FMNL3: variants seen among roughly 807,000 people sequenced by gnomAD.
The protein encoded by FMNL3 is formin like 3, also known as formin-like protein 3.
A neutral mutation model predicts 119.6 loss-of-function variants in FMNL3; 57 were observed. That is an observed-to-expected ratio of 0.48 (90% CI 0.39 to 0.59). FMNL3 has a LOEUF of 0.59. FMNL3 is among the 20% of genes least tolerant of loss of function. FMNL3 has a pLI of 0.00. For missense variants in FMNL3, 1,053 were observed against 1,323.5 expected (o/e 0.80, Z 3.17); for synonymous variants, 491 against 507.3 (o/e 0.97, Z 0.43).
In FMNL3 at chr12:49,642,133, T is replaced by G; in HGVS notation, c.*3682A>C. On this transcript the variant is annotated 3_prime_UTR_variant, in exon 26 of 26. Coordinates refer to ENST00000335154, the MANE Select transcript of FMNL3 (RefSeq NM_175736.5). The surrounding 1 kb of genome is among the most constrained non-coding windows in gnomAD (Gnocchi z 5.8). ...ATATTCCCAATTCAGGGGATGGTGG[T>G]AGAAGCCCAGACCCTAACTTTCCAC... 6.2e-7 allele frequency: 1 copy of G among 1,604,860 alleles called. No individual in the cohort carries two copies. The highest frequency in any genetic ancestry group is 8.5e-7 in the Non-Finnish European group (1 of 1,173,782).
chr12:49,666,817 A>C (rs1488116115), intron 2 of FMNL3, among the ~76,000 whole-genome samples: 1 of 152,036 alleles, frequency 6.6e-6, no homozygotes, highest in Admixed American at 6.6e-5. Flanking sequence ...TTAAAAAAAG[A>C]TATGATTGGG....
chr12:49,644,084 G>A lies in FMNL3; in HGVS notation c.*1731C>T. 6.2e-7 allele frequency: 1 copy of A among 1,614,218 alleles called. No individual in the cohort carries two copies. Among genetic ancestry groups the A allele is most frequent in the Non-Finnish European group, 8.5e-7 (1 of 1,180,040 alleles). ...TTAGTGCAGGCTAAGGGTGAACTGTGCCTTTGCTCCAACAGACAGGCTGGG... is the reference window on the plus strand; with the variant it reads ...TTAGTGCAGGCTAAGGGTGAACTGTACCTTTGCTCCAACAGACAGGCTGGG... On this transcript the variant is annotated 3_prime_UTR_variant, in exon 26 of 26. Coordinates refer to ENST00000335154, the MANE Select transcript of FMNL3 (RefSeq NM_175736.5).
At chr12:49,655,972 C>T (rs1408568159) in intron 9 of FMNL3, among the ~76,000 whole-genome samples, 2 of 152,148 alleles carry the variant, frequency 1.3e-5, no homozygotes, top group African/African-American at 4.8e-5. Context: ...TGCTTACCTT[C>T]TCCTCCCATT....
intron 4 of FMNL3, among the ~76,000 whole-genome samples, chr12:49,663,077 G>A (rs942861348): frequency 3.3e-5 from 5 of 152,330 alleles, no homozygotes; most frequent in African/African-American, 1.2e-4. Flanking sequence ...ACCAGGCCCA[G>A]CTGAGATTAG....
In FMNL3 at chr12:49,638,806, A is replaced by T. The variant is rs968001449; in HGVS notation, c.*7009T>A. The T allele has an allele frequency of 1.3e-5, 2 of 152,208 alleles. No individual in the cohort carries two copies. Among genetic ancestry groups the T allele is most frequent in the African/African-American group, 4.8e-5 (2 of 41,444 alleles). 9.4% of individuals were successfully genotyped at this position (152,208 alleles called of 1,614,324 possible). On this transcript the variant is annotated 3_prime_UTR_variant, in exon 26 of 26. Transcript: ENST00000335154. ...CTGTTTCCTCATCTAAAAAATGGTG[A>T]GTGTTCCACCAGAGTACACCTAATT...
At chr12:49,705,284 A>G (rs7137976) in intron 1 of FMNL3, among the ~76,000 whole-genome samples, 32,038 of 152,118 alleles carry the variant, frequency 0.21, 5,578 homozygotes, top group African/African-American at 0.49. Context: ...CCAGTCCCCC[A>G]TTTGACCTGG....
At chr12:49,656,633 GGCTTGCTCCCTTACTAA>G (rs766685571) in intron 8 of FMNL3, 136 bp from the exon 9 acceptor site, 46 of 909,610 alleles carry the variant, frequency 5.1e-5, no homozygotes, top group Non-Finnish European at 7.5e-5. Context: ...GGAGAAAGAG[GGCTTGCTCCCTTACTAA>G]GCTGTGTAGA....
chr12:49,705,435 C>CA (rs1182568033), intron 1 of FMNL3, among the ~76,000 whole-genome samples: 1 of 152,148 alleles, frequency 6.6e-6, no homozygotes, highest in Admixed American at 6.5e-5. Flanking sequence ...TGAGCTCTCA[C>CA]AAAAAATGGC....
At chr12:49,675,144 C>T (rs2138908853) in intron 1 of FMNL3, among the ~76,000 whole-genome samples, 1 of 152,276 alleles carries the variant, frequency 6.6e-6, no homozygotes, top group Non-Finnish European at 1.5e-5. Flanking sequence ...TGCAGGTAAC[C>T]CTGAGGTCCC....
chr12:49,667,399 C>T (rs998634256), intron 2 of FMNL3, among the ~76,000 whole-genome samples: 4 of 152,208 alleles, frequency 2.6e-5, no homozygotes, highest in African/African-American at 4.8e-5. Context: ...TAACCAACTC[C>T]TCTTAATGCA....
rs1943054008 is a variant in FMNL3, at chr12:49,644,282, G to C, written c.*1533C>G. ...CTGCCTCAGACTTCTTCCTTAGTCT[G>C]GTCTGTGTCCACTTTTTCTAAAGTA... On this transcript the variant is annotated 3_prime_UTR_variant, in exon 26 of 26. Coordinates refer to ENST00000335154, the MANE Select transcript of FMNL3 (RefSeq NM_175736.5). 1 of 1,436,724 alleles carries C rather than the reference G, an allele frequency of 7.0e-7. No homozygotes were observed. The highest frequency in any genetic ancestry group is 1.4e-5 in the African/African-American group (1 of 71,048). The allele number at this position is 1,436,724 out of a possible 1,614,324, so 89.0% of individuals were successfully genotyped here.
Position 49,637,434 on chromosome 12 carries a change from T to C in FMNL3, c.*8381A>G, listed in dbSNP as rs372958137. On this transcript the variant is annotated 3_prime_UTR_variant, in exon 26 of 26. Coordinates refer to ENST00000335154, the MANE Select transcript of FMNL3 (RefSeq NM_175736.5). ...CTCAGTCTGTGGCTCTGCCTCCCTG[T>C]CTCACTCTCCCTATAACTGGCCTCT... The C allele has an allele frequency of 4.1e-6, 6 of 1,471,948 alleles. No homozygotes were observed. The African/African-American group carries it at 8.3e-5, about 20-fold the overall frequency. 91.2% of individuals were successfully genotyped at this position (1,471,948 alleles called of 1,614,324 possible).
chr12:49,687,974 C>T (rs1373691033), intron 1 of FMNL3, among the ~76,000 whole-genome samples: 1 of 152,214 alleles, frequency 6.6e-6, no homozygotes, highest in Non-Finnish European at 1.5e-5. Flanking sequence ...GGAGGAGACA[C>T]ATTTTTCCTC....
rs1324968244 is a variant in FMNL3 at position 49,653,161 on chromosome 12, A to G, written c.1323+65T>C. 4 of 1,460,016 alleles carry G rather than the reference A, an allele frequency of 2.7e-6. No homozygotes were observed. In the African/African-American group the frequency reaches 4.2e-5, roughly 15 times the overall value. The allele number at this position is 1,460,016 out of a possible 1,614,324, so 90.4% of individuals were successfully genotyped here. A position where few individuals can be genotyped will look rare whatever the true frequency, so the allele number is the denominator to read the frequency against. ...AACTTGATATGACTCAGGGAAAAAA[A>G]GCAGAACCCCAAGGCGCTGGAGCCC... On this transcript the variant is annotated intron_variant, in intron 13 of 25. Coordinates refer to ENST00000335154, the MANE Select transcript of FMNL3 (RefSeq NM_175736.5).
chr12:49,649,296 C>G lies in FMNL3; in HGVS notation c.2348G>C (p.Gly783Ala), dbSNP rs767374517. 14 of 1,614,188 alleles carry G rather than the reference C, an allele frequency of 8.7e-6. No individual in the cohort carries two copies. The East Asian group carries it at 8.9e-5, about 10-fold the overall frequency. The change falls in exon 20 of 26, where the codon GGA becomes GCA. Residue 783 changes from glycine to alanine, a missense_variant. Coordinates refer to ENST00000335154, the MANE Select transcript of FMNL3 (RefSeq NM_175736.5). This position sits in a 1 kb window ranked among gnomAD's most constrained non-coding sequence, Gnocchi z 5.6. ...CTGGAGCTTGAAGCCATACACAGCT[C>G]CCCGCTTGCTGCTGTTCATGTAGTT... ...LGNYMNSSKR[G>A]AVYGFKLQSL...
chr12:49,649,834 C>T lies in FMNL3; in HGVS notation c.2092G>A (p.Glu698Lys). ...EAEVKLLRQY[E>K]RERQPLEELA... ...TCCTCCAGGGGCTGCCGCTCCCGCTCATATTGCCGCAGCAGCTTTACCTCA... is the reference window on the plus strand; with the variant it reads ...TCCTCCAGGGGCTGCCGCTCCCGCTTATATTGCCGCAGCAGCTTTACCTCA... Residue 698 changes from glutamate to lysine, a missense_variant, in exon 18 of 26, where the codon GAG becomes AAG. Coordinates refer to ENST00000335154, the MANE Select transcript of FMNL3 (RefSeq NM_175736.5). The surrounding 1 kb of genome is among the most constrained non-coding windows in gnomAD (Gnocchi z 5.6). 4 of 1,614,202 alleles carry T rather than the reference C, an allele frequency of 2.5e-6. No individual in the cohort carries two copies. Among genetic ancestry groups the T allele is most frequent in the Non-Finnish European group, 3.4e-6 (4 of 1,180,044 alleles).
At chr12:49,668,673 G>A (rs898049957) in intron 1 of FMNL3, 119 bp from the exon 2 acceptor site, 62 of 781,304 alleles carry the variant, frequency 7.9e-5, no homozygotes, top group South Asian at 3.2e-4. Context: ...ACACTCCATC[G>A]CTGATAAGGC....
chr12:49,637,429 C>G lies in FMNL3; in HGVS notation c.*8386G>C, dbSNP rs1200433073. ...TCCCCCTCAGTCTGTGGCTCTGCCT[C>G]CCTGTCTCACTCTCCCTATAACTGG... On this transcript the variant is annotated 3_prime_UTR_variant, in exon 26 of 26. Transcript: ENST00000335154. The G allele has an allele frequency of 2.1e-6, 3 of 1,425,040 alleles. No individual in the cohort carries two copies. The Admixed American group carries it at 5.1e-5, about 24-fold the overall frequency. 88.3% of individuals were successfully genotyped at this position (1,425,040 alleles called of 1,614,324 possible). A position where few individuals can be genotyped will look rare whatever the true frequency, so the allele number is the denominator to read the frequency against.
chr12:49,689,956 C>A (rs1944559601), intron 1 of FMNL3, among the ~76,000 whole-genome samples: 1 of 152,186 alleles, frequency 6.6e-6, no homozygotes, highest in Non-Finnish European at 1.5e-5. Flanking sequence ...CTCCTTAAAG[C>A]ACTGCCTATT....
Sources: allele counts gnomAD v4.1 joint callset (sites outside exome capture counted in the v4.1 genomes callset), GRCh38; gene constraint gnomAD v4.1.1; non-coding constraint Gnocchi (gnomAD v3.1); transcripts MANE v1.5; gene names NCBI Gene and HGNC (gene_info 2026-07-23, HGNC 2026-07-21).